The following FSTL5 variants were observed in gnomAD, a reference collection of about 807,000 sequenced individuals.
FSTL5 encodes follistatin-related protein 5.
FSTL5 carries 62 observed loss-of-function variants against 89.1 expected under a neutral mutation model. That is an observed-to-expected ratio of 0.70 (90% CI 0.57 to 0.86). The LOEUF (loss-of-function observed/expected upper bound fraction) is 0.86. Ranked by LOEUF, FSTL5 falls within the 40% of genes least tolerant of loss-of-function variation. FSTL5 has a pLI of 0.00. For missense variants in FSTL5, 1,057 were observed against 1,001.6 expected, an observed-to-expected ratio of 1.06 and a Z score of -0.75; for synonymous variants, 383 against 346.2, an observed-to-expected ratio of 1.11 and a Z score of -1.18.
At chr4:161,964,050 A>G (rs1300520494) in intron 3 of FSTL5, among the ~76,000 whole-genome samples, 2 of 152,134 alleles carry the variant, frequency 1.3e-5, no homozygotes, top group African/African-American at 2.4e-5. Flanking sequence ...CTCTAGATTT[A>G]TTCAGGCTTT....
chr4:161,499,830 TACATA>T (rs1304224569), intron 12 of FSTL5, among the ~76,000 whole-genome samples, 181 bp downstream of exon 12: 2 of 134,768 alleles, frequency 1.5e-5, no homozygotes, highest in Non-Finnish European at 3.5e-5. Flanking sequence ...TTCTTAGGAA[TACATA>T]ATATATTATT....
At chr4:161,538,360 T>C in intron 9 of FSTL5, 60 bp from the exon 10 acceptor site, 2 of 1,571,876 alleles carry the variant, frequency 1.3e-6, no homozygotes. Flanking sequence ...AACAGTGCTT[T>C]CTGATTACAC....
chr4:161,803,364 C>T (rs746313856), intron 4 of FSTL5, among the ~76,000 whole-genome samples: 5 of 151,848 alleles, frequency 3.3e-5, no homozygotes, highest in Non-Finnish European at 7.4e-5. Flanking sequence ...ATAATATATC[C>T]TGTACTGACT....
chr4:161,594,126 A>G (rs1287189210), intron 7 of FSTL5, among the ~76,000 whole-genome samples: 1 of 152,142 alleles, frequency 6.6e-6, no homozygotes, highest in African/African-American at 2.4e-5. Context: ...TAACAGCAAG[A>G]TATCTAGTCT....
At position 161,633,271 on chromosome 4, in the gene FSTL5, G is replaced by C. The variant is rs563377379; in HGVS notation, c.894+23057C>G. On this transcript the variant is annotated intron_variant, in intron 7 of 15. Transcript: ENST00000306100. ...ACTTTTGTTTTTGTTTTTGTTTTCT[G>C]TGTCTTTAAACTAATTCTTTTTATT... Among the ~76,000 whole-genome samples the C allele has an allele frequency of 2.3e-4, 34 of 145,596 alleles. No homozygotes were observed. In the East Asian group the frequency reaches 5.8e-3, roughly 25 times the overall value.
intron 7 of FSTL5, among the ~76,000 whole-genome samples, chr4:161,607,385 C>T (rs770408083): frequency 6.6e-6 from 1 of 152,108 alleles, no homozygotes; most frequent in African/African-American, 2.4e-5. Flanking sequence ...GGGAGTTTTG[C>T]TGTGCTAATT....
At chr4:162,013,882 G>T (rs1364074923) in intron 3 of FSTL5, among the ~76,000 whole-genome samples, 5 of 151,744 alleles carry the variant, frequency 3.3e-5, no homozygotes, top group Admixed American at 1.3e-4. Context: ...CAAACCTCAA[G>T]CCTTAAGCAA....
At chr4:161,951,166 T>A (rs2110952791) in intron 3 of FSTL5, among the ~76,000 whole-genome samples, 1 of 152,186 alleles carries the variant, frequency 6.6e-6, no homozygotes, top group East Asian at 1.9e-4. Context: ...TTGCTCTTCC[T>A]TCATCTTCCA....
intron 4 of FSTL5, among the ~76,000 whole-genome samples, chr4:161,884,522 C>CA (rs1227786159): frequency 2.6e-5 from 4 of 152,056 alleles, no homozygotes; most frequent in African/African-American, 9.7e-5. Flanking sequence ...ACTACTCACA[C>CA]AAAAAAATCT....
Position 161,545,362 on chromosome 4 carries a change from C to T in FSTL5, c.1016-2669G>A, listed in dbSNP as rs527348399. 7.9e-5 allele frequency among the ~76,000 whole-genome samples: 12 copies of T among 151,996 alleles called. No individual in the cohort carries two copies. The East Asian group carries it at 1.7e-3, about 22-fold the overall frequency. ...ATACACATATGCATGTGTGTGCACA[C>T]GTAATTTAAAAAATAATAAGACAAC... is the stretch of plus-strand genomic sequence containing the variant. On this transcript the variant is annotated intron_variant, in intron 8 of 15. Transcript: ENST00000306100.
At chr4:161,897,590 A>AAG (rs1553978300) in intron 4 of FSTL5, among the ~76,000 whole-genome samples, 114 of 150,844 alleles carry the variant, frequency 7.6e-4, no homozygotes, top group African/African-American at 2.7e-3. Flanking sequence ...AAAAAAAAAA[A>AAG]AAAAGAAAAA....
intron 6 of FSTL5, among the ~76,000 whole-genome samples, chr4:161,713,701 T>C (rs575135362): frequency 6.6e-6 from 1 of 152,104 alleles, no homozygotes; most frequent in Non-Finnish European, 1.5e-5. Flanking sequence ...GGGTTTTGTA[T>C]TAGTTACATT....
intron 4 of FSTL5, among the ~76,000 whole-genome samples, chr4:161,811,363 A>G (rs1730141107): frequency 6.6e-6 from 1 of 152,224 alleles, no homozygotes; most frequent in African/African-American, 2.4e-5. Flanking sequence ...TTATAGTGAT[A>G]TTTTAAAATG....
At chr4:162,079,827 T>C (rs549574155) in intron 2 of FSTL5, among the ~76,000 whole-genome samples, 50 of 151,542 alleles carry the variant, frequency 3.3e-4, no homozygotes, top group African/African-American at 1.2e-3. Context: ...AAAGTAGAAT[T>C]TGGATTCAAG....
At position 161,658,815 on chromosome 4, in the gene FSTL5, A is replaced by G. The variant is rs1022092967; in HGVS notation, c.728-2321T>C. ...TTTCCCATTTACATTCCTGAATTTCAGCTTCTGGTTCCTCATTAAATTACA... is the reference window on the plus strand; with the variant it reads ...TTTCCCATTTACATTCCTGAATTTCGGCTTCTGGTTCCTCATTAAATTACA... On this transcript the variant is annotated intron_variant, in intron 6 of 15. Transcript: ENST00000306100. 4.6e-5 allele frequency among the ~76,000 whole-genome samples: 7 copies of G among 152,168 alleles called. No homozygotes were observed. The South Asian group carries it at 1.4e-3, about 32-fold the overall frequency.
At chr4:161,512,392 T>A (rs996229511) in intron 10 of FSTL5, among the ~76,000 whole-genome samples, 3 of 151,958 alleles carry the variant, frequency 2.0e-5, no homozygotes, top group South Asian at 4.1e-4. Context: ...CAGAAAAAAA[T>A]TCAAAGTTAT....
intron 15 of FSTL5, among the ~76,000 whole-genome samples, chr4:161,405,181 C>T (rs372113861): frequency 6.6e-6 from 1 of 150,950 alleles, no homozygotes; most frequent in African/African-American, 2.4e-5. Context: ...TGCAGTGAGC[C>T]GAGATCATGC....
At chr4:162,101,045 G>A (rs1730977165) in intron 2 of FSTL5, among the ~76,000 whole-genome samples, 1 of 152,164 alleles carries the variant, frequency 6.6e-6, no homozygotes, top group Admixed American at 6.5e-5. Flanking sequence ...ATCCACACAG[G>A]TGATAAACAC....
At chr4:161,867,603 C>A (rs1732133495) in intron 4 of FSTL5, among the ~76,000 whole-genome samples, 1 of 151,338 alleles carries the variant, frequency 6.6e-6, no homozygotes, top group East Asian at 1.9e-4. Context: ...AACTAGCATA[C>A]TTAAATATTA....
Sources: allele counts gnomAD v4.1 joint callset (sites outside exome capture counted in the v4.1 genomes callset), GRCh38; gene constraint gnomAD v4.1.1; transcripts MANE v1.5; gene names NCBI Gene and HGNC (gene_info 2026-07-23, HGNC 2026-07-21).